Variants in PCDH15 observed in about 807,000 individuals in gnomAD.
The protein encoded by PCDH15 is protocadherin-15.
Under a neutral mutation model 178.5 loss-of-function variants are expected in PCDH15, and 129 were observed. The ratio of observed to expected loss-of-function variants is 0.72; its 90% CI spans 0.63 to 0.84. The LOEUF (loss-of-function observed/expected upper bound fraction) is 0.84, where lower values mean the gene tolerates loss of function less well. PCDH15 is among the 40% of genes least tolerant of loss of function. The pLI is 0.00. For missense variants in PCDH15, 2,230 were observed against 2,099.9 expected, an observed-to-expected ratio of 1.06 and a Z score of -1.21; for synonymous variants, 800 against 732.0, an observed-to-expected ratio of 1.09 and a Z score of -1.50.
intron 1 of PCDH15, among the ~76,000 whole-genome samples, chr10:55,305,498 C>G (rs1402400034): frequency 6.6e-6 from 1 of 152,162 alleles, no homozygotes; most frequent in Non-Finnish European, 1.5e-5. Context: ...CACTGTTGTC[C>G]CTCATGGCAC....
At chr10:54,460,783 G>A (rs1419789163) in intron 3 of PCDH15, among the ~76,000 whole-genome samples, 2 of 152,072 alleles carry the variant, frequency 1.3e-5, no homozygotes, top group South Asian at 2.1e-4. Context: ...TCGAGGTAGC[G>A]AGTTGAAGGA....
intron 2 of PCDH15, among the ~76,000 whole-genome samples, chr10:55,395,168 C>CGTGTGTGT (rs35472682): frequency 3.3e-4 from 42 of 127,976 alleles, no homozygotes; most frequent in African/African-American, 1.2e-3. Context: ...TATTTAACTG[C>CGTGTGTGT]GTGTGTGTGT....
intron 2 of PCDH15, among the ~76,000 whole-genome samples, chr10:55,006,451 G>A (rs1045488715): frequency 6.6e-6 from 1 of 152,148 alleles, no homozygotes; most frequent in African/African-American, 2.4e-5. Flanking sequence ...GTTTTAACTT[G>A]GACATATTTA....
At chr10:54,357,292 G>A (rs1432866583) in intron 5 of PCDH15, among the ~76,000 whole-genome samples, 1 of 152,098 alleles carries the variant, frequency 6.6e-6, no homozygotes, top group African/African-American at 2.4e-5. Context: ...ATCTCCTTAA[G>A]CTGATAAGCA....
At chr10:54,777,868 T>C (rs958759118) in intron 1 of PCDH15, among the ~76,000 whole-genome samples, 2 of 152,198 alleles carry the variant, frequency 1.3e-5, no homozygotes, top group African/African-American at 2.4e-5. Context: ...TTTTCCAAAG[T>C]ATGTCAGCTA....
At chr10:54,329,468 C>T in intron 7 of PCDH15, 128 bp downstream of exon 7, 1 of 694,082 alleles carries the variant, frequency 1.4e-6, no homozygotes, top group South Asian at 1.7e-5. Flanking sequence ...TATATAAACA[C>T]CAAGGGCAGG....
chr10:54,665,165 C>T (rs1373021478), intron 1 of PCDH15, among the ~76,000 whole-genome samples: 1 of 151,612 alleles, frequency 6.6e-6, no homozygotes, highest in African/African-American at 2.4e-5. Flanking sequence ...ATGAATTAGC[C>T]AAAGGGGACA....
intron 2 of PCDH15, among the ~76,000 whole-genome samples, chr10:55,609,080 T>TC (rs1373238299): frequency 6.6e-6 from 1 of 151,912 alleles, no homozygotes. Flanking sequence ...TGAGTACTTT[T>TC]CTTTTTTTTT....
chr10:54,174,041 T>C (rs1409190379), intron 13 of PCDH15, among the ~76,000 whole-genome samples: 1 of 152,154 alleles, frequency 6.6e-6, no homozygotes, highest in Non-Finnish European at 1.5e-5. Flanking sequence ...AATCCAGTAA[T>C]ACAGGATATC....
At chr10:54,044,284 T>C (rs1054572372) in intron 18 of PCDH15, among the ~76,000 whole-genome samples, 1 of 152,064 alleles carries the variant, frequency 6.6e-6, no homozygotes, top group African/African-American at 2.4e-5. Context: ...AAACAAGGTG[T>C]AGGTAGTGAA....
chr10:54,837,033 T>G (rs1591731673), intron 3 of PCDH15, among the ~76,000 whole-genome samples: 1 of 152,052 alleles, frequency 6.6e-6, no homozygotes, highest in East Asian at 1.9e-4. Context: ...AAAACCATAT[T>G]TTAGAAATGT....
chr10:54,174,360 G>A (rs1245896170), intron 13 of PCDH15, among the ~76,000 whole-genome samples: 5 of 151,452 alleles, frequency 3.3e-5, no homozygotes, highest in African/African-American at 1.2e-4. Flanking sequence ...GTGAAACCCC[G>A]TCTCTAATAA....
At chr10:54,534,725 A>T (rs2084294689) in intron 2 of PCDH15, among the ~76,000 whole-genome samples, 1 of 152,182 alleles carries the variant, frequency 6.6e-6, no homozygotes, top group Admixed American at 6.5e-5. Context: ...TTTAAATTTC[A>T]TGCTACACAA....
At chr10:55,044,455 C>G (rs11004701) in intron 2 of PCDH15, among the ~76,000 whole-genome samples, 82,414 of 151,826 alleles carry the variant, frequency 0.54, 23,086 homozygotes, top group East Asian at 0.75. Context: ...TTCACAAAAT[C>G]AGTTAGTTCA....
At chr10:53,915,479 A>C (rs2083454111) in intron 25 of PCDH15, among the ~76,000 whole-genome samples, 1 of 152,178 alleles carries the variant, frequency 6.6e-6, no homozygotes, top group South Asian at 2.1e-4. Flanking sequence ...TAGAAGAAAT[A>C]TTTTGTGTAT....
At chr10:54,167,559 C>A (rs1417121392) in intron 13 of PCDH15, among the ~76,000 whole-genome samples, 1 of 152,006 alleles carries the variant, frequency 6.6e-6, no homozygotes, top group Non-Finnish European at 1.5e-5. Flanking sequence ...GTCCTTCACC[C>A]TTAGCGGCAA....
intron 23 of PCDH15, among the ~76,000 whole-genome samples, chr10:53,944,547 C>G (rs1369534060): frequency 6.6e-6 from 1 of 152,170 alleles, no homozygotes; most frequent in Non-Finnish European, 1.5e-5. Flanking sequence ...AGCTCTCTTC[C>G]AATTTAAGCT....
intron 28 of PCDH15, among the ~76,000 whole-genome samples, chr10:53,842,529 G>T (rs977788754): frequency 2.0e-5 from 3 of 152,182 alleles, no homozygotes; most frequent in Non-Finnish European, 4.4e-5. Context: ...TTACAGGCAT[G>T]AGCATCACAT....
chr10:54,791,762 C>T (rs1226266970), intron 1 of PCDH15, among the ~76,000 whole-genome samples: 1 of 151,700 alleles, frequency 6.6e-6, no homozygotes, highest in Non-Finnish European at 1.5e-5. Flanking sequence ...GAATCAAAAC[C>T]ACTTCTGACC....
Sources: gnomAD v4.1 joint callset for allele counts (sites outside exome capture counted in the v4.1 genomes callset) on GRCh38, gnomAD v4.1.1 for gene constraint, MANE v1.5 for transcripts, NCBI Gene and HGNC (gene_info 2026-07-23, HGNC 2026-07-21) for gene names.